Variants in VWC2 observed in about 807,000 individuals in gnomAD.
VWC2 encodes von Willebrand factor C domain containing 2, also known as brorin.
Under a neutral mutation model 29.8 loss-of-function variants are expected in VWC2, and 14 were observed. The ratio of observed to expected loss-of-function variants is 0.47; its 90% CI spans 0.31 to 0.74. The LOEUF (loss-of-function observed/expected upper bound fraction) is 0.74, where lower values mean the gene tolerates loss of function less well. Ranked by LOEUF, VWC2 falls within the 30% of genes least tolerant of loss-of-function variation. The probability of loss-of-function intolerance (pLI) is 0.05; values close to 1 mark genes in which losing one functional copy is unlikely to be tolerated. For missense variants in VWC2, 457 were observed against 459.8 expected (o/e 0.99, Z 0.05); for synonymous variants, 213 against 199.0 (o/e 1.07, Z -0.59).
intron 3 of VWC2, among the ~76,000 whole-genome samples, chr7:49,858,710 A>T (rs970943099): frequency 3.7e-5 from 5 of 135,656 alleles, no homozygotes; most frequent in African/African-American, 1.9e-4. Flanking sequence ...AATAATAATA[A>T]AAAAAAGAAA....
intron 3 of VWC2, among the ~76,000 whole-genome samples, chr7:49,847,156 G>C (rs1289743241): frequency 6.6e-6 from 1 of 151,524 alleles, no homozygotes; most frequent in African/African-American, 2.4e-5. Flanking sequence ...GTCACTGCCA[G>C]GATATAAGAA....
intron 3 of VWC2, among the ~76,000 whole-genome samples, chr7:49,831,396 A>G (rs769236544): frequency 2.6e-5 from 4 of 152,228 alleles, no homozygotes; most frequent in Non-Finnish European, 5.9e-5. Context: ...GAATTCAGGA[A>G]TGCTGTAACA....
intron 3 of VWC2, among the ~76,000 whole-genome samples, chr7:49,895,548 G>T (rs1792342661): frequency 6.6e-6 from 1 of 152,108 alleles, no homozygotes; most frequent in Non-Finnish European, 1.5e-5. Context: ...TGTCCATGAG[G>T]CAAGAAAAGC....
Position 49,921,544 on chromosome 7 carries a change from C to T in VWC2, c.*9359C>T, listed in dbSNP as rs946279800. 6.6e-6 allele frequency: 1 copy of T among 152,108 alleles called. No individual in the cohort carries two copies. The highest frequency in any genetic ancestry group is 6.6e-5 in the Admixed American group (1 of 15,264). 9.4% of individuals were successfully genotyped at this position (152,108 alleles called of 1,614,324 possible). On this transcript the variant is annotated 3_prime_UTR_variant, in exon 4 of 4. Transcript: ENST00000340652. ...CTACCTCTCTGTAACTCAGATTGCT[C>T]ATCAGTAACATGGGGAGAGTGGTAT...
At chr7:49,896,539 G>A (rs980034262) in intron 3 of VWC2, among the ~76,000 whole-genome samples, 5 of 152,134 alleles carry the variant, frequency 3.3e-5, no homozygotes, top group Admixed American at 6.6e-5. Flanking sequence ...TAGTAAAGAT[G>A]AGAACAAAAA....
intron 2 of VWC2, 90 bp downstream of exon 2, chr7:49,776,221 G>C: frequency 8.7e-7 from 1 of 1,152,308 alleles, no homozygotes; most frequent in South Asian, 1.6e-5. Flanking sequence ...TTGAAGAAGA[G>C]GTGCTCTCTG....
intron 2 of VWC2, among the ~76,000 whole-genome samples, chr7:49,793,572 C>A (rs1244180502): frequency 6.7e-6 from 1 of 149,538 alleles, no homozygotes; most frequent in Non-Finnish European, 1.5e-5. Flanking sequence ...CATATATATT[C>A]TTTTGCAACT....
At chr7:49,859,213 T>C (rs1178996061) in intron 3 of VWC2, among the ~76,000 whole-genome samples, 1 of 152,260 alleles carries the variant, frequency 6.6e-6, no homozygotes, top group Non-Finnish European at 1.5e-5. Flanking sequence ...TTAAGGGTTT[T>C]ATATATTGCA....
In VWC2 at chr7:49,775,933, G is replaced by A. The variant is rs918789507; in HGVS notation, c.498G>A (p.Gly166=). 6.4e-7 allele frequency: 1 copy of A among 1,555,932 alleles called. No homozygotes were observed. Among genetic ancestry groups the A allele is most frequent in the Non-Finnish European group, 8.7e-7 (1 of 1,151,888 alleles). Residue 166 remains glycine, a synonymous_variant, in exon 2 of 4, where the codon GGG becomes GGA. Coordinates refer to ENST00000340652, the MANE Select transcript of VWC2 (RefSeq NM_198570.5). ...VDESGFVYAI[G]EKFAPGPSAC... is the part of the protein sequence containing the mutation. ...AGAGCGGCTTCGTGTACGCGATCGG[G>A]GAGAAGTTCGCGCCGGGCCCCTCGG...
rs767935764 is a variant in VWC2 at position 49,919,287 on chromosome 7, T to C, written c.*7102T>C. The C allele has an allele frequency of 2.6e-5, 4 of 152,148 alleles. No individual in the cohort carries two copies. Among genetic ancestry groups the C allele is most frequent in the Non-Finnish European group, 5.9e-5 (4 of 68,030 alleles). 9.4% of individuals were successfully genotyped at this position (152,148 alleles called of 1,614,324 possible). On this transcript the variant is annotated 3_prime_UTR_variant, in exon 4 of 4. Coordinates refer to ENST00000340652, the MANE Select transcript of VWC2 (RefSeq NM_198570.5). ...TATATGGTCTTTGGACCCATGAAGC[T>C]CTGAGTCAAGGATACCAGCAGATAT...
intron 3 of VWC2, among the ~76,000 whole-genome samples, chr7:49,831,824 T>C (rs964574454): frequency 2.0e-5 from 3 of 152,188 alleles, no homozygotes; most frequent in African/African-American, 7.2e-5. Context: ...TAAAAGACTA[T>C]TGCAAGTGGA....
chr7:49,918,955 C>G lies in VWC2; in HGVS notation c.*6770C>G, dbSNP rs1212136655. The G allele has an allele frequency of 2.0e-5, 3 of 151,774 alleles. No homozygotes were observed. The allele number at this position is 151,774 out of a possible 1,614,324, so 9.4% of individuals were successfully genotyped here. A position where few individuals can be genotyped will look rare whatever the true frequency, so the allele number is the denominator to read the frequency against. On this transcript the variant is annotated 3_prime_UTR_variant, in exon 4 of 4. Coordinates refer to ENST00000340652, the MANE Select transcript of VWC2 (RefSeq NM_198570.5). ...ACATGCCTGTAATCTACTCGGGAGGCTGAGGCAGGAGAATCCCTTAAACCG... is the reference window on the plus strand; with the variant it reads ...ACATGCCTGTAATCTACTCGGGAGGGTGAGGCAGGAGAATCCCTTAAACCG...
At chr7:49,830,570 C>T (rs916932186) in intron 3 of VWC2, among the ~76,000 whole-genome samples, 1 of 152,074 alleles carries the variant, frequency 6.6e-6, no homozygotes, top group Non-Finnish European at 1.5e-5. Flanking sequence ...GCACAATGTG[C>T]AAGTTTGTTA....
chr7:49,911,013 C>T (rs577424841), intron 3 of VWC2, among the ~76,000 whole-genome samples: 2 of 152,314 alleles, frequency 1.3e-5, no homozygotes, highest in African/African-American at 4.8e-5. Context: ...TATGTCACTT[C>T]AAGCAGTTTG....
intron 3 of VWC2, among the ~76,000 whole-genome samples, chr7:49,805,707 G>A (rs914557911): frequency 2.6e-5 from 4 of 152,172 alleles, no homozygotes; most frequent in Non-Finnish European, 4.4e-5. Context: ...AAAATTATAT[G>A]TTTGATATAT....
chr7:49,779,854 C>G (rs115279001), intron 2 of VWC2, among the ~76,000 whole-genome samples: 4 of 152,184 alleles, frequency 2.6e-5, no homozygotes, highest in African/African-American at 4.8e-5. Context: ...CCTGTGTTTT[C>G]TCATGGTGTT....
At chr7:49,775,132 C>G (rs1307196638) in intron 1 of VWC2, among the ~76,000 whole-genome samples, 1 of 152,172 alleles carries the variant, frequency 6.6e-6, no homozygotes, top group African/African-American at 2.4e-5. Context: ...CGGTGTCGTT[C>G]TTGGATTTCG....
At chr7:49,829,531 T>A (rs1042423829) in intron 3 of VWC2, among the ~76,000 whole-genome samples, 3 of 152,236 alleles carry the variant, frequency 2.0e-5, no homozygotes, top group African/African-American at 7.2e-5. Flanking sequence ...CGTTCATTTG[T>A]TGAAGCTCAT....
chr7:49,775,495 C>T lies in VWC2; in HGVS notation c.60C>T (p.Cys20=). The T allele has an allele frequency of 6.4e-7, 1 of 1,562,092 alleles. No individual in the cohort carries two copies. The highest frequency in any genetic ancestry group is 8.6e-7 in the Non-Finnish European group (1 of 1,159,608). ...TCTCCAGTTCCCTCCTGGTCACCTG[C>T]TGCCTGATGGTGGCTCTGTGCAGTC... is the stretch of plus-strand genomic sequence containing the variant. ...GALSSSLLVT[C]CLMVALCSPS... is the part of the protein sequence containing the mutation. The change falls in exon 2 of 4, where the codon TGC becomes TGT. Residue 20 remains cysteine, a synonymous_variant. Transcript: ENST00000340652.
Sources: allele counts gnomAD v4.1 joint callset (sites outside exome capture counted in the v4.1 genomes callset), GRCh38; gene constraint gnomAD v4.1.1; transcripts MANE v1.5; gene names NCBI Gene and HGNC (gene_info 2026-07-23, HGNC 2026-07-21).